SANBR: variants seen among roughly 807,000 people sequenced by gnomAD.
The protein encoded by SANBR is SANT and BTB domain regulator of CSR, also known as SANT and BTB domain regulator of class switch recombination.
Under a neutral mutation model 101.8 loss-of-function variants are expected in SANBR, and 77 were observed. The ratio of observed to expected loss-of-function variants is 0.76; its 90% CI spans 0.63 to 0.91. The LOEUF (loss-of-function observed/expected upper bound fraction) is 0.91. Ranked by LOEUF, SANBR falls within the 40% of genes least tolerant of loss-of-function variation. SANBR has a pLI of 0.00. For synonymous variants in SANBR, 279 were observed against 274.7 expected (o/e 1.02, Z -0.15); for missense variants, 875 against 853.0 (o/e 1.03, Z -0.32).
chr2:61,083,250 A>G lies in SANBR; in HGVS notation c.826A>G (p.Ile276Val). ...TATTAATGCAAATCTTCTCACACGT[A>G]TAGCTGATCTGTTCTCACACAATGA... ...NCINANLLTR[I>V]ADLFSHNEVD... Residue 276 changes from isoleucine to valine, a missense_variant, in exon 8 of 22, where the codon ATA becomes GTA. Ile to Val is a conservative substitution (Grantham distance 29, BLOSUM62 3). Coordinates refer to ENST00000402291, the MANE Select transcript of SANBR (RefSeq NM_001129993.3). 2 of 1,610,788 alleles carry G rather than the reference A, an allele frequency of 1.2e-6. No homozygotes were observed. The highest frequency in any genetic ancestry group is 2.2e-5 in the East Asian group (1 of 44,814).
intron 20 of SANBR, among the ~76,000 whole-genome samples, chr2:61,118,952 C>T (rs1372683759): frequency 6.6e-6 from 1 of 152,108 alleles, no homozygotes; most frequent in Non-Finnish European, 1.5e-5. Flanking sequence ...GTCCATAGGT[C>T]ATCTATAACA....
chr2:61,083,622 C>T (rs148109040), intron 8 of SANBR, among the ~76,000 whole-genome samples: 9,332 of 151,796 alleles, frequency 0.061, 993 homozygotes, highest in African/African-American at 0.21. Flanking sequence ...GTAATCCCAG[C>T]ACTTTGGGAG....
rs953068747 is a variant in SANBR at position 61,130,643 on chromosome 2, T to A, written c.2029-3494T>A. ...AATGTAATACACTGTATCAATATAG[T>A]TTTTTTTTTTAAGTTTCACAATCAG... is the stretch of plus-strand genomic sequence containing the variant. On this transcript the variant is annotated intron_variant, in intron 20 of 21. Coordinates refer to the SANBR transcript ENST00000295031. Among the ~76,000 whole-genome samples the A allele has an allele frequency of 5.2e-4, 77 of 148,812 alleles. 1 individual carries two copies. The highest frequency in any genetic ancestry group is 1.3e-3 in the African/African-American group (54 of 41,040).
At chr2:61,133,214 T>C (rs1217341913) in intron 20 of SANBR, among the ~76,000 whole-genome samples, 9 of 151,998 alleles carry the variant, frequency 5.9e-5, no homozygotes, top group Non-Finnish European at 1.3e-4. Flanking sequence ...AACACGTTAC[T>C]GCACTGCACT....
chr2:61,088,554 C>A, intron 10 of SANBR, 86 bp downstream of exon 10: 1 of 888,104 alleles, frequency 1.1e-6, no homozygotes, highest in South Asian at 2.3e-5. Flanking sequence ...GAGTCTTACT[C>A]TGTCACCCAG....
chr2:61,104,044 A>G, intron 13 of SANBR, 46 bp downstream of exon 13: 1 of 1,560,690 alleles, frequency 6.4e-7, no homozygotes, highest in Non-Finnish European at 8.8e-7. Context: ...TTTATTCAGC[A>G]GTTCCCATTT....
rs192516520 is a variant in SANBR at position 61,098,482 on chromosome 2, A to G, written c.1365+630A>G. ...TTTGCCTTTTTTACTCAACAACATA[A>G]CTAGGGTATCTTTCTGTGCCATTTT... On this transcript the variant is annotated intron_variant, in intron 12 of 21. Transcript: ENST00000402291. Among the ~76,000 whole-genome samples the G allele has an allele frequency of 6.6e-4, 100 of 152,258 alleles. 1 individual carries two copies. The highest frequency in any genetic ancestry group is 2.1e-3 in the African/African-American group (89 of 41,556).
chr2:61,117,370 A>G lies in SANBR; in HGVS notation c.1850A>G (p.Asp617Gly), dbSNP rs112732611. The G allele has an allele frequency of 6.2e-7, 1 of 1,613,818 alleles. No homozygotes were observed. Among genetic ancestry groups the G allele is most frequent in the East Asian group, 2.2e-5 (1 of 44,848 alleles). Residue 617 changes from aspartate (D) to glycine (G), a missense_variant, in exon 18 of 22, where the codon GAT (aspartate) becomes GGT (glycine). Physicochemically the swap from Asp to Gly is moderately conservative, Grantham distance 94. Transcript: ENST00000402291. ...ACTTTTTTTTAGTCAGCTTCTAGAG[A>G]TGTGTCTCCTTTCGTGTGAGTATTG... ...EKALEKSASR[D>G]VSPFVMSMQK...
intron 6 of SANBR, among the ~76,000 whole-genome samples, chr2:61,078,899 C>T (rs1323906830): frequency 1.3e-5 from 2 of 151,536 alleles, no homozygotes; most frequent in African/African-American, 2.4e-5. Flanking sequence ...ATTAGCTGGG[C>T]GTGGTGGCAC....
chr2:61,088,598 C>A, intron 10 of SANBR, 130 bp downstream of exon 10: 1 of 518,898 alleles, frequency 1.9e-6, no homozygotes, highest in Non-Finnish European at 3.1e-6. Flanking sequence ...TGGCTGACTG[C>A]AACCTTCCGC....
intron 6 of SANBR, among the ~76,000 whole-genome samples, chr2:61,078,180 A>G (rs1410826561): frequency 6.6e-6 from 1 of 152,248 alleles, no homozygotes; most frequent in Non-Finnish European, 1.5e-5. Context: ...TCAAAAAGTC[A>G]TGCGTGAGTG....
intron 14 of SANBR, among the ~76,000 whole-genome samples, chr2:61,107,583 G>C (rs1258180371): frequency 1.3e-5 from 2 of 152,176 alleles, no homozygotes; most frequent in African/African-American, 4.8e-5. Context: ...CCTGTGAAGT[G>C]CTTTATAAAC....
intron 7 of SANBR, among the ~76,000 whole-genome samples, chr2:61,082,924 A>G (rs1682216918): frequency 6.6e-6 from 1 of 152,240 alleles, no homozygotes; most frequent in African/African-American, 2.4e-5. Flanking sequence ...GAAATATTCT[A>G]AAGAAGGTTG....
intron 10 of SANBR, among the ~76,000 whole-genome samples, chr2:61,091,710 A>G (rs1573619919): frequency 6.6e-6 from 1 of 152,126 alleles, no homozygotes; most frequent in African/African-American, 2.4e-5. Flanking sequence ...GCAATAAGCT[A>G]TGATGATTGC....
At chr2:61,115,063 A>T (rs1684009517) in intron 16 of SANBR, among the ~76,000 whole-genome samples, 1 of 152,194 alleles carries the variant, frequency 6.6e-6, no homozygotes, top group Non-Finnish European at 1.5e-5. Flanking sequence ...TCATGATGAC[A>T]TTAGAAAATG....
intron 2 of SANBR, among the ~76,000 whole-genome samples, 196 bp from the exon 3 acceptor site, chr2:61,070,146 C>G (rs1177848029): frequency 6.6e-6 from 1 of 152,138 alleles, no homozygotes; most frequent in Non-Finnish European, 1.5e-5. Flanking sequence ...TTTATACATC[C>G]ATTTATCAAT....
chr2:61,117,612 A>G, intron 19 of SANBR, 72 bp downstream of exon 19: 1 of 1,316,578 alleles, frequency 7.6e-7, no homozygotes, highest in Non-Finnish European at 1.1e-6. Flanking sequence ...TTCATTTTAT[A>G]CAGTATGCTG....
At chr2:61,085,599 C>T (rs1682383590) in intron 8 of SANBR, among the ~76,000 whole-genome samples, 1 of 152,036 alleles carries the variant, frequency 6.6e-6, no homozygotes, top group Non-Finnish European at 1.5e-5. Context: ...CAACCGCCGC[C>T]TCCCAGGTTC....
At chr2:61,117,832 A>G (rs1272431956) in intron 19 of SANBR, among the ~76,000 whole-genome samples, 196 bp from the exon 20 acceptor site, 1 of 152,244 alleles carries the variant, frequency 6.6e-6, no homozygotes, top group Non-Finnish European at 1.5e-5. Context: ...TAATCTAAAA[A>G]GCAGCACAAT....
Sources: allele counts gnomAD v4.1 joint callset (sites outside exome capture counted in the v4.1 genomes callset), GRCh38; gene constraint gnomAD v4.1.1; transcripts MANE v1.5; gene names NCBI Gene and HGNC (gene_info 2026-07-23, HGNC 2026-07-21).